Variants in GFM2 observed in about 807,000 individuals in gnomAD.
GFM2 encodes the protein ribosome-releasing factor 2, mitochondrial.
In GFM2, 72 loss-of-function variants were observed where a neutral mutation model predicts 95.4. The ratio of observed to expected loss-of-function variants is 0.76; its 90% CI spans 0.62 to 0.92. GFM2 has a LOEUF of 0.92. Among genes scored for constraint, GFM2 ranks in the 40% least tolerant of loss-of-function variants. The probability of loss-of-function intolerance (pLI) is 0.00; values close to 1 mark genes in which losing one functional copy is unlikely to be tolerated. For synonymous variants in GFM2, 276 were observed against 317.5 expected (o/e 0.87, Z 1.39); for missense variants, 825 against 924.1 (o/e 0.89, Z 1.39).
At chr5:74,728,410 C>G (rs1579971875) in intron 17 of GFM2, among the ~76,000 whole-genome samples, 1 of 151,886 alleles carries the variant, frequency 6.6e-6, no homozygotes, top group Non-Finnish European at 1.5e-5. Context: ...GGTCTTTATC[C>G]TCGTCATCTT....
At chr5:74,739,299 C>G (rs970254364) in intron 12 of GFM2, among the ~76,000 whole-genome samples, 1 of 152,104 alleles carries the variant, frequency 6.6e-6, no homozygotes, top group Non-Finnish European at 1.5e-5. Context: ...TAATATAGAG[C>G]TTACTATACC....
chr5:74,722,390 C>T lies in GFM2; in HGVS notation c.2200G>A (p.Ala734Thr). The T allele has an allele frequency of 6.2e-7, 1 of 1,613,478 alleles. No individual in the cohort carries two copies. Among genetic ancestry groups the T allele is most frequent in the Non-Finnish European group, 8.5e-7 (1 of 1,179,730 alleles). The change falls in exon 20 of 21, where the codon GCA (alanine) becomes ACA (threonine). Residue 734 changes from alanine (A) to threonine (T), a missense_variant. Ala to Thr is a moderately conservative substitution (Grantham distance 58). Coordinates refer to ENST00000296805, the MANE Select transcript of GFM2 (RefSeq NM_032380.5). ...NKVVIGFVPL[A>T]EIMGYSTVLR... ...TACAAAGTACCTACCATAATTTCTGCTAAGGGAACAAATCCAATAACAACT... is the reference window on the plus strand; with the variant it reads ...TACAAAGTACCTACCATAATTTCTGTTAAGGGAACAAATCCAATAACAACT...
rs1749954888 is a variant in GFM2, at chr5:74,722,579, T to C, written c.2029-18A>G. On this transcript the variant is annotated intron_variant, in intron 19 of 20. Transcript: ENST00000296805. ...TTCAGAGCCTAAAGAAATTAAAGAA[T>C]GTTAACTTATCTTTCATAAATAAAA... 6.3e-7 allele frequency: 1 copy of C among 1,585,258 alleles called. No individual in the cohort carries two copies. Among genetic ancestry groups the C allele is most frequent in the Non-Finnish European group, 8.6e-7 (1 of 1,166,370 alleles).
chr5:74,747,649 TGTA>T (rs773063877), intron 8 of GFM2, 40 bp downstream of exon 8: 2 of 1,146,286 alleles, frequency 1.7e-6, no homozygotes, highest in South Asian at 2.6e-5. Flanking sequence ...AAGCTCAAAT[TGTA>T]GTTTCACCCT....
chr5:74,744,979 A>G (rs1743304129), intron 10 of GFM2, among the ~76,000 whole-genome samples: 1 of 152,186 alleles, frequency 6.6e-6, no homozygotes, highest in African/African-American at 2.4e-5. Flanking sequence ...AAACAGTAAC[A>G]TTTCATTTAT....
chr5:74,754,088 C>T (rs1360684839), intron 5 of GFM2, among the ~76,000 whole-genome samples: 1 of 151,964 alleles, frequency 6.6e-6, no homozygotes, highest in Non-Finnish European at 1.5e-5. Context: ...AATTATCAAC[C>T]AAGAATTTTG....
intron 10 of GFM2, among the ~76,000 whole-genome samples, chr5:74,742,609 T>C (rs1240493930): frequency 6.6e-6 from 1 of 152,200 alleles, no homozygotes; most frequent in African/African-American, 2.4e-5. Context: ...TCTTATCCAC[T>C]AATTTAAAGG....
chr5:74,731,116 G>C (rs1354625925), intron 16 of GFM2, among the ~76,000 whole-genome samples: 1 of 152,142 alleles, frequency 6.6e-6, no homozygotes, highest in Non-Finnish European at 1.5e-5. Flanking sequence ...CCCGGCCAAA[G>C]CCCCTTTCTT....
At chr5:74,764,792 T>TG (rs1468823748) in intron 1 of GFM2, among the ~76,000 whole-genome samples, 1 of 141,466 alleles carries the variant, frequency 7.1e-6, no homozygotes, top group Non-Finnish European at 1.5e-5. Flanking sequence ...TTTTTTTTTT[T>TG]TTTTTTTTTT....
chr5:74,734,635 C>A (rs773484707), intron 15 of GFM2, among the ~76,000 whole-genome samples: 1 of 152,032 alleles, frequency 6.6e-6, no homozygotes. Context: ...AGAGTACATG[C>A]GTATGACACT....
Position 74,747,735 on chromosome 5 carries a change from G to T in GFM2, c.565C>A (p.Pro189Thr), listed in dbSNP as rs1371545286. 6.2e-7 allele frequency: 1 copy of T among 1,612,224 alleles called. No individual in the cohort carries two copies. The highest frequency in any genetic ancestry group is 1.3e-5 in the African/African-American group (1 of 74,948). ...VWRQADKHNI[P>T]RICFLNKMDK... ...ATCTTGTTTAAAAAACAGATTCGAGGTATATTGTGTTTATCAGCTTGCCTC... is the reference window on the plus strand; with the variant it reads ...ATCTTGTTTAAAAAACAGATTCGAGTTATATTGTGTTTATCAGCTTGCCTC... The change falls in exon 8 of 21, where the codon CCT becomes ACT. Residue 189 changes from proline to threonine, a missense_variant. Transcript: ENST00000296805.
chr5:74,766,481 T>G (rs894912238), intron 1 of GFM2, among the ~76,000 whole-genome samples: 1 of 152,202 alleles, frequency 6.6e-6, no homozygotes, highest in Non-Finnish European at 1.5e-5. Flanking sequence ...AACCTGATAG[T>G]GTATTTAAGT....
At chr5:74,750,505 A>C in intron 7 of GFM2, 74 bp downstream of exon 7, 2 of 997,368 alleles carry the variant, frequency 2.0e-6, no homozygotes, top group Non-Finnish European at 3.1e-6. Flanking sequence ...GTTACAGTTA[A>C]CTAAATTTGA....
chr5:74,752,035 T>G (rs751818984), intron 5 of GFM2, among the ~76,000 whole-genome samples: 1 of 152,122 alleles, frequency 6.6e-6, no homozygotes, highest in Non-Finnish European at 1.5e-5. Flanking sequence ...TGATAAATGA[T>G]AGCCACACGG....
At chr5:74,757,023 C>T (rs1024564479) in intron 5 of GFM2, among the ~76,000 whole-genome samples, 4 of 151,954 alleles carry the variant, frequency 2.6e-5, no homozygotes, top group African/African-American at 9.7e-5. Context: ...CCCTAAAGAA[C>T]TTATGTAACC....
chr5:74,722,768 G>C lies in GFM2; in HGVS notation c.2029-207C>G, dbSNP rs1440027545. The C allele has an allele frequency of 2.8e-5, 12 of 433,682 alleles. No individual in the cohort carries two copies. In the East Asian group the frequency reaches 4.5e-4, roughly 16 times the overall value. The allele number at this position is 433,682 out of a possible 1,614,324, so 26.9% of individuals were successfully genotyped here. Reference sequence around the variant, plus strand: ...ATCTTTTGTATGGTATGATGCAAGGGGATGTTTATAAAAAATGCCTGTGAA... The same window carrying C: ...ATCTTTTGTATGGTATGATGCAAGGCGATGTTTATAAAAAATGCCTGTGAA... On this transcript the variant is annotated intron_variant, in intron 19 of 20. Transcript: ENST00000296805.
intron 19 of GFM2, among the ~76,000 whole-genome samples, chr5:74,723,633 A>C (rs556353970): frequency 6.6e-6 from 1 of 152,332 alleles, no homozygotes; most frequent in East Asian, 1.9e-4. Flanking sequence ...TTCTCAGAAC[A>C]AAGTTCAAAC....
intron 1 of GFM2, among the ~76,000 whole-genome samples, chr5:74,765,399 A>G (rs1744516546): frequency 6.6e-6 from 1 of 152,194 alleles, no homozygotes; most frequent in Non-Finnish European, 1.5e-5. Flanking sequence ...AGTAACGAAT[A>G]CAATACATAG....
At chr5:74,737,780 T>G (rs1033845737) in intron 14 of GFM2, among the ~76,000 whole-genome samples, 5 of 152,200 alleles carry the variant, frequency 3.3e-5, no homozygotes, top group African/African-American at 1.2e-4. Context: ...TTTTAACCCA[T>G]GAAAAATAAA....
Sources: allele counts gnomAD v4.1 joint callset (sites outside exome capture counted in the v4.1 genomes callset), GRCh38; gene constraint gnomAD v4.1.1; transcripts MANE v1.5; gene names NCBI Gene and HGNC (gene_info 2026-07-23, HGNC 2026-07-21).